Variants in MED13 observed in about 807,000 individuals in gnomAD.
MED13 encodes the protein mediator of RNA polymerase II transcription subunit 13.
MED13 carries 23 observed loss-of-function variants against 225.2 expected under a neutral mutation model. That is an observed-to-expected ratio of 0.10 (90% CI 0.07 to 0.14). MED13 has a LOEUF of 0.14. Ranked by LOEUF, MED13 falls within the 10% of genes least tolerant of loss-of-function variation. The pLI is 1.00. For missense variants in MED13, 2,197 were observed against 2,594.5 expected (o/e 0.85, Z 3.33); for synonymous variants, 942 against 889.2 (o/e 1.06, Z -1.06).
chr17:61,991,154 T>C (rs976968864), intron 11 of MED13, among the ~76,000 whole-genome samples: 7 of 152,246 alleles, frequency 4.6e-5, no homozygotes, highest in African/African-American at 1.4e-4. Context: ...AGTCTCGCTC[T>C]GTCACCCAGG....
intron 11 of MED13, among the ~76,000 whole-genome samples, chr17:61,991,522 T>G (rs1225190707): frequency 6.6e-6 from 1 of 151,896 alleles, no homozygotes; most frequent in East Asian, 1.9e-4. Context: ...GTTTGTTTGT[T>G]TGTTTGAGAC....
chr17:61,981,646 C>T (rs1390541276), intron 16 of MED13, among the ~76,000 whole-genome samples: 1 of 152,174 alleles, frequency 6.6e-6, no homozygotes, highest in African/African-American at 2.4e-5. Flanking sequence ...TAGGAGTTTT[C>T]CCATATGCTA....
At chr17:62,007,860 A>G (rs1183447233) in intron 9 of MED13, among the ~76,000 whole-genome samples, 1 of 151,786 alleles carries the variant, frequency 6.6e-6, no homozygotes, top group Non-Finnish European at 1.5e-5. Context: ...AAAATAAAAA[A>G]CATAAAAAAT....
intron 8 of MED13, among the ~76,000 whole-genome samples, chr17:62,012,044 CCGT>C (rs1446925973): frequency 6.6e-6 from 1 of 151,770 alleles, no homozygotes; most frequent in Non-Finnish European, 1.5e-5. Flanking sequence ...TGGTAAAACC[CCGT>C]CCTTACAAAA....
intron 1 of MED13, among the ~76,000 whole-genome samples, chr17:62,063,937 G>A (rs539560451): frequency 4.6e-5 from 7 of 152,316 alleles, no homozygotes; most frequent in African/African-American, 1.4e-4. Context: ...GTGAAGAGAT[G>A]CTGATTAATG....
chr17:61,958,442 G>A (rs938963504), intron 23 of MED13, among the ~76,000 whole-genome samples: 1 of 149,546 alleles, frequency 6.7e-6, no homozygotes, highest in Non-Finnish European at 1.5e-5. Context: ...GGGTTCAAGG[G>A]ATTCTCCTGC....
chr17:61,977,522 G>C (rs1368431328), intron 16 of MED13, among the ~76,000 whole-genome samples: 1 of 152,196 alleles, frequency 6.6e-6, no homozygotes, highest in African/African-American at 2.4e-5. Context: ...CACCATCTCT[G>C]CTCACTGTAA....
Position 62,055,722 on chromosome 17 carries a change from C to A in MED13, c.302-3017G>T, listed in dbSNP as rs191121808. On this transcript the variant is annotated intron_variant, in intron 2 of 29. Transcript: ENST00000397786. ...CCTGTAGTCCCAGCTATCCGGGAGG[C>A]TGAGGCAGGAGAATCACTTGAACTG... 2.1e-4 allele frequency among the ~76,000 whole-genome samples: 32 copies of A among 151,986 alleles called. No individual in the cohort carries two copies. In the East Asian group the frequency reaches 6.2e-3, roughly 29 times the overall value.
intron 8 of MED13, among the ~76,000 whole-genome samples, chr17:62,027,017 G>A (rs977688223): frequency 1.6e-4 from 25 of 152,110 alleles, no homozygotes; most frequent in African/African-American, 5.8e-4. Context: ...ACTGCCCAAA[G>A]CAATTTGGAT....
chr17:61,966,403 G>A, intron 19 of MED13, 59 bp downstream of exon 19: 1 of 1,316,954 alleles, frequency 7.6e-7, no homozygotes, highest in Non-Finnish European at 1.0e-6. Context: ...AAAAACAGCT[G>A]GTGGAGCAGG....
chr17:62,020,038 A>G (rs1369966815), intron 8 of MED13, among the ~76,000 whole-genome samples: 3 of 151,822 alleles, frequency 2.0e-5, no homozygotes, highest in African/African-American at 4.8e-5. Flanking sequence ...ACCACTGCGC[A>G]AGGCCAAACA....
chr17:62,041,419 A>T (rs1230461942), intron 3 of MED13, among the ~76,000 whole-genome samples: 1 of 152,194 alleles, frequency 6.6e-6, no homozygotes, highest in Admixed American at 6.5e-5. Context: ...ATAAAATTTT[A>T]TGAGTACACA....
chr17:62,044,109 C>T (rs1212194274), intron 3 of MED13, among the ~76,000 whole-genome samples: 1 of 152,008 alleles, frequency 6.6e-6, no homozygotes, highest in African/African-American at 2.4e-5. Context: ...AGACTTACAT[C>T]TCATGGTGCC....
chr17:61,993,344 G>A (rs1317807045), intron 10 of MED13, among the ~76,000 whole-genome samples: 1 of 150,796 alleles, frequency 6.6e-6, no homozygotes, highest in African/African-American at 2.4e-5. Flanking sequence ...TGAGATTACA[G>A]GCATGCACCA....
chr17:62,062,035 G>A (rs1355074611), intron 2 of MED13, among the ~76,000 whole-genome samples: 1 of 152,082 alleles, frequency 6.6e-6, no homozygotes, highest in Admixed American at 6.6e-5. Flanking sequence ...ACCAGTTCAA[G>A]ATACAGACAC....
intron 9 of MED13, among the ~76,000 whole-genome samples, chr17:62,008,317 C>CAAAAAAAAAAAAAAAAAAAAAAAAAA (rs766909961): frequency 3.0e-5 from 1 of 33,226 alleles, no homozygotes; most frequent in Non-Finnish European, 5.7e-5. Context: ...GGCTCTGTCT[C>CAAAAAAAAAAAAAAAAAAAAAAAAAA]AAAAAAAAAA....
intron 3 of MED13, among the ~76,000 whole-genome samples, chr17:62,041,852 G>T (rs1481136369): frequency 6.6e-6 from 1 of 152,080 alleles, no homozygotes; most frequent in Non-Finnish European, 1.5e-5. Flanking sequence ...CAAAGTGCAG[G>T]GATTACAAGC....
At chr17:62,059,925 A>C (rs182715763) in intron 2 of MED13, among the ~76,000 whole-genome samples, 57 of 152,332 alleles carry the variant, frequency 3.7e-4, no homozygotes, top group African/African-American at 1.3e-3. Flanking sequence ...CTTTGGAACA[A>C]TAAATATGAT....
chr17:62,062,601 CACA>C (rs2081048781), intron 2 of MED13, among the ~76,000 whole-genome samples: 5 of 10,164 alleles, frequency 4.9e-4, no homozygotes, highest in Non-Finnish European at 1.8e-3. Context: ...ACACACACAC[CACA>C]CACACACACA....
Sources: allele counts gnomAD v4.1 joint callset (sites outside exome capture counted in the v4.1 genomes callset), GRCh38; gene constraint gnomAD v4.1.1; transcripts MANE v1.5; gene names NCBI Gene and HGNC (gene_info 2026-07-23, HGNC 2026-07-21).